Variants in ETS1 observed in about 807,000 individuals in gnomAD.
The protein encoded by ETS1 is protein C-ets-1.
ETS1 carries 15 observed loss-of-function variants against 58.6 expected under a neutral mutation model. That is an observed-to-expected ratio of 0.26 (90% CI 0.17 to 0.39). The LOEUF (loss-of-function observed/expected upper bound fraction) is 0.39, where lower values mean the gene tolerates loss of function less well. ETS1 is among the 10% of genes least tolerant of loss of function. ETS1 has a pLI of 1.00. For synonymous variants in ETS1, 214 were observed against 218.2 expected (o/e 0.98, Z 0.17); for missense variants, 417 against 610.5 (o/e 0.68, Z 3.34).
chr11:128,516,128 G>T (rs1456604565), intron 3 of ETS1, among the ~76,000 whole-genome samples: 2 of 152,196 alleles, frequency 1.3e-5, no homozygotes, highest in African/African-American at 4.8e-5. Flanking sequence ...AAGGAAAAGG[G>T]GGTGCAGATA....
intron 5 of ETS1, among the ~76,000 whole-genome samples, chr11:128,486,942 A>T (rs1479224332): frequency 6.6e-6 from 1 of 152,276 alleles, no homozygotes; most frequent in Non-Finnish European, 1.5e-5. Context: ...AATCTGACAT[A>T]GAGTATGGGT....
intron 8 of ETS1, among the ~76,000 whole-genome samples, chr11:128,472,242 CCT>C (rs1862206729): frequency 6.6e-6 from 1 of 152,232 alleles, no homozygotes; most frequent in Non-Finnish European, 1.5e-5. Flanking sequence ...ATGTCAAACA[CCT>C]CCACAGACCT....
chr11:128,581,934 G>T (rs1481386176), intron 1 of ETS1, among the ~76,000 whole-genome samples: 5 of 152,158 alleles, frequency 3.3e-5, no homozygotes, highest in African/African-American at 1.2e-4. Context: ...TGAACTAAAA[G>T]ATACCAGCTG....
chr11:128,510,993 G>C (rs76615112), intron 3 of ETS1, among the ~76,000 whole-genome samples: 1 of 152,178 alleles, frequency 6.6e-6, no homozygotes, highest in East Asian at 1.9e-4. Flanking sequence ...GTCTATGCAT[G>C]GTACCACAGC....
intron 2 of ETS1, among the ~76,000 whole-genome samples, chr11:128,561,307 T>A (rs894098832): frequency 6.6e-6 from 1 of 152,156 alleles, no homozygotes; most frequent in Non-Finnish European, 1.5e-5. Flanking sequence ...TGGTGCTGAG[T>A]AGGACAGACA....
At chr11:128,481,162 C>T (rs1403864171) in intron 7 of ETS1, among the ~76,000 whole-genome samples, 2 of 151,962 alleles carry the variant, frequency 1.3e-5, no homozygotes, top group African/African-American at 4.8e-5. Context: ...ATTCTTTATC[C>T]TCTCCAAGTA....
Position 128,549,584 on chromosome 11 carries a change from G to A in ETS1, c.214+6707C>T, listed in dbSNP as rs761655670. On this transcript the variant is annotated intron_variant, in intron 3 of 9. Coordinates refer to ENST00000392668, the MANE Select transcript of ETS1 (RefSeq NM_001143820.2). This position sits in a 1 kb window ranked among gnomAD's most constrained non-coding sequence, Gnocchi z 4.3. ...GCGCAATGCTGTTACTTCCTAGGAT[G>A]TTCGAGAAGCTGCGAGTTCGAGGGC... is the stretch of plus-strand genomic sequence containing the variant. Among the ~76,000 whole-genome samples the A allele has an allele frequency of 6.6e-6, 1 of 152,218 alleles. No homozygotes were observed. Among genetic ancestry groups the A allele is most frequent in the African/African-American group, 2.4e-5 (1 of 41,460 alleles).
At chr11:128,571,490 C>CGAGACTCCGTCCAGCCTGGACGACAGAGA (rs1310460804) in intron 2 of ETS1, among the ~76,000 whole-genome samples, 4 of 106,128 alleles carry the variant, frequency 3.8e-5, no homozygotes, top group African/African-American at 1.1e-4. Context: ...GGCGACAGAG[C>CGAGACTCCGTCCAGCCTGGACGACAGAGA]AAGACTCCGT....
rs1565374668 is a variant in ETS1 at position 128,484,803 on chromosome 11, A to G, written c.862+20T>C. The G allele has an allele frequency of 1.9e-6, 3 of 1,602,432 alleles. No individual in the cohort carries two copies. The Admixed American group carries it at 5.1e-5, about 27-fold the overall frequency. ...AATTCTTGTAAACCCAAGAGCTTTT[A>G]GAGAAGAAATATGACCTACCACGAC... On this transcript the variant is annotated intron_variant, in intron 7 of 9. Coordinates refer to ENST00000392668, the MANE Select transcript of ETS1 (RefSeq NM_001143820.2).
intron 3 of ETS1, among the ~76,000 whole-genome samples, chr11:128,537,567 A>C (rs1565401549): frequency 6.6e-6 from 1 of 152,206 alleles, no homozygotes; most frequent in Non-Finnish European, 1.5e-5. Flanking sequence ...GAGCAAGGGA[A>C]ACTGACATGA....
intron 3 of ETS1, chr11:128,526,887 C>T (rs1482945419): frequency 2.2e-6 from 1 of 455,736 alleles, no homozygotes; most frequent in Non-Finnish European, 4.4e-6. Flanking sequence ...TCCTATTTAC[C>T]AGAGGTGAAA....
chr11:128,525,619 G>GAAAAAAAAAA (rs10554000), intron 3 of ETS1, among the ~76,000 whole-genome samples: 2 of 75,820 alleles, frequency 2.6e-5, no homozygotes, highest in African/African-American at 4.9e-5. Context: ...GTAAGATTTA[G>GAAAAAAAAAA]AAAAAAAAAA....
chr11:128,576,423 C>T (rs12790965), intron 1 of ETS1, among the ~76,000 whole-genome samples: 6,063 of 152,012 alleles, frequency 0.04, 228 homozygotes, highest in Non-Finnish European at 0.054. Context: ...GCTTGAACAT[C>T]AGCTGCACCA....
intron 3 of ETS1, among the ~76,000 whole-genome samples, chr11:128,491,416 C>T (rs192035255): frequency 5.3e-5 from 8 of 152,216 alleles, no homozygotes; most frequent in South Asian, 2.1e-4. Context: ...CATGATGCAA[C>T]GTTAATGTGC....
At chr11:128,537,297 A>G (rs1302842551) in intron 3 of ETS1, among the ~76,000 whole-genome samples, 1 of 151,964 alleles carries the variant, frequency 6.6e-6, no homozygotes, top group African/African-American at 2.4e-5. Context: ...TTATTTTCCC[A>G]CTAACACAGA....
intron 3 of ETS1, among the ~76,000 whole-genome samples, chr11:128,517,523 G>A (rs1236554234): frequency 1.3e-5 from 2 of 152,186 alleles, no homozygotes; most frequent in Non-Finnish European, 2.9e-5. Flanking sequence ...ATGCAGGCTC[G>A]ATGTGTGCTT....
intron 3 of ETS1, among the ~76,000 whole-genome samples, chr11:128,537,549 G>A (rs1262541876): frequency 6.6e-6 from 1 of 152,128 alleles, no homozygotes; most frequent in Non-Finnish European, 1.5e-5. Flanking sequence ...CTACCCCTGG[G>A]AACTAAGGAG....
chr11:128,540,660 TC>T (rs1864043251), intron 3 of ETS1, among the ~76,000 whole-genome samples: 1 of 152,152 alleles, frequency 6.6e-6, no homozygotes, highest in African/African-American at 2.4e-5. Flanking sequence ...TTTCTAAACT[TC>T]CTAAGTGGCT....
chr11:128,537,807 A>G (rs902248661), intron 3 of ETS1, among the ~76,000 whole-genome samples: 3 of 152,224 alleles, frequency 2.0e-5, no homozygotes, highest in African/African-American at 7.2e-5. Context: ...CAAAAACAAT[A>G]CATTCTGGGA....
Sources: allele counts gnomAD v4.1 joint callset (sites outside exome capture counted in the v4.1 genomes callset), GRCh38; gene constraint gnomAD v4.1.1; non-coding constraint Gnocchi (gnomAD v3.1); transcripts MANE v1.5; gene names NCBI Gene and HGNC (gene_info 2026-07-23, HGNC 2026-07-21).